The following KIAA1328 variants were observed in gnomAD, a reference collection of about 807,000 sequenced individuals.
The protein encoded by KIAA1328 is protein hinderin.
KIAA1328 carries 52 observed loss-of-function variants against 68.1 expected under a neutral mutation model. That is an observed-to-expected ratio of 0.76 (90% confidence interval 0.61 to 0.96). KIAA1328 has a LOEUF of 0.96. Among genes scored for constraint, KIAA1328 ranks in the 40% least tolerant of loss-of-function variants. KIAA1328 has a pLI of 0.00. For missense variants in KIAA1328, 641 were observed against 677.6 expected (o/e 0.95, Z 0.60); for synonymous variants, 232 against 239.4 (o/e 0.97, Z 0.28).
Position 37,224,356 on chromosome 18 carries a change from T to G in KIAA1328, c.*2129T>G. Reference sequence around the variant, plus strand: ...TGGGGGTCACAGCCACAGAGTGGAGTTTTATTGCTTCTTTGCCTCTCCATG... The same window carrying G: ...TGGGGGTCACAGCCACAGAGTGGAGGTTTATTGCTTCTTTGCCTCTCCATG... On this transcript the variant is annotated 3_prime_UTR_variant, in exon 10 of 10. Coordinates refer to ENST00000280020, the MANE Select transcript of KIAA1328 (RefSeq NM_020776.3). The G allele has an allele frequency of 2.0e-6, 2 of 984,998 alleles. No homozygotes were observed. The highest frequency in any genetic ancestry group is 2.4e-6 in the Non-Finnish European group (2 of 829,846). 61.0% of individuals were successfully genotyped at this position (984,998 alleles called of 1,614,324 possible).
chr18:36,955,086 G>A (rs1162264543), intron 5 of KIAA1328, among the ~76,000 whole-genome samples: 1 of 150,590 alleles, frequency 6.6e-6, no homozygotes, highest in Non-Finnish European at 1.5e-5. Flanking sequence ...ATTTATTTCA[G>A]TGCTCAAATT....
At chr18:37,022,666 G>T (rs1401095703) in intron 6 of KIAA1328, among the ~76,000 whole-genome samples, 1 of 152,070 alleles carries the variant, frequency 6.6e-6, no homozygotes, top group Admixed American at 6.6e-5. Context: ...TATTTTACAT[G>T]GCTGTTTAAG....
At chr18:36,992,558 C>G (rs1053082547) in intron 6 of KIAA1328, among the ~76,000 whole-genome samples, 7 of 149,594 alleles carry the variant, frequency 4.7e-5, no homozygotes, top group African/African-American at 7.5e-5. Flanking sequence ...TTTCCTGGGT[C>G]CTTTTTTATT....
At chr18:37,033,115 A>G (rs542661889) in intron 6 of KIAA1328, among the ~76,000 whole-genome samples, 1 of 152,304 alleles carries the variant, frequency 6.6e-6, no homozygotes, top group South Asian at 2.1e-4. Context: ...CTTTTCACCT[A>G]TTAAATACCA....
chr18:36,908,763 A>AAT (rs1208428125), intron 5 of KIAA1328, among the ~76,000 whole-genome samples: 2 of 152,158 alleles, frequency 1.3e-5, no homozygotes, highest in Admixed American at 1.3e-4. Flanking sequence ...GTGAATCCAG[A>AAT]ATATATATTA....
Position 37,067,061 on chromosome 18 carries a change from G to A in KIAA1328, c.748G>A (p.Val250Ile), listed in dbSNP as rs2056363592. The change falls in exon 7 of 10, where the codon GTA becomes ATA. Residue 250 changes from valine (V) to isoleucine (I), a missense_variant. Val to Ile is a conservative substitution (Grantham distance 29). Coordinates refer to ENST00000280020, the MANE Select transcript of KIAA1328 (RefSeq NM_020776.3). ...IAFRNNSLKP[V>I]TLHHPKDDLD... is the part of the protein sequence containing the mutation. Reference sequence around the variant, plus strand: ...ATTTAGGAATAATTCTTTGAAACCAGTAACCCTTCATCATCCCAAAGATGA... The same window carrying A: ...ATTTAGGAATAATTCTTTGAAACCAATAACCCTTCATCATCCCAAAGATGA... 1 of 1,613,814 alleles carries A rather than the reference G, an allele frequency of 6.2e-7. No homozygotes were observed. Among genetic ancestry groups the A allele is most frequent in the African/African-American group, 1.3e-5 (1 of 74,904 alleles).
intron 5 of KIAA1328, among the ~76,000 whole-genome samples, chr18:36,948,781 T>G (rs1159818751): frequency 6.6e-6 from 1 of 150,846 alleles, no homozygotes; most frequent in Non-Finnish European, 1.5e-5. Flanking sequence ...ACTTCCAACC[T>G]CTGGTGATCC....
intron 6 of KIAA1328, among the ~76,000 whole-genome samples, chr18:36,996,729 T>G (rs1344997472): frequency 1.3e-5 from 2 of 152,152 alleles, no homozygotes; most frequent in African/African-American, 4.8e-5. Flanking sequence ...AGCTGAAGAA[T>G]TGTCTCTAAA....
intron 4 of KIAA1328, among the ~76,000 whole-genome samples, chr18:36,875,770 C>G (rs995727946): frequency 2.6e-5 from 4 of 152,174 alleles, no homozygotes; most frequent in African/African-American, 9.7e-5. Context: ...ATGCTTCCAG[C>G]TTTTCCCCAA....
At chr18:36,927,814 G>A (rs1159434277) in intron 5 of KIAA1328, among the ~76,000 whole-genome samples, 1 of 149,852 alleles carries the variant, frequency 6.7e-6, no homozygotes, top group Non-Finnish European at 1.5e-5. Context: ...AGAGAGAGAG[G>A]AAAGAAAAAG....
chr18:37,202,183 A>G (rs2060127659), intron 9 of KIAA1328, among the ~76,000 whole-genome samples: 1 of 152,170 alleles, frequency 6.6e-6, no homozygotes, highest in Non-Finnish European at 1.5e-5. Context: ...GCTTTAAGCT[A>G]TGAATGGCTC....
chr18:37,020,334 G>A (rs559306431), intron 6 of KIAA1328, among the ~76,000 whole-genome samples: 17 of 152,164 alleles, frequency 1.1e-4, no homozygotes, highest in Middle Eastern at 3.4e-3. Flanking sequence ...TGTTGGCCAG[G>A]CTGGTCTTGA....
chr18:37,157,864 G>T (rs1181938092), intron 7 of KIAA1328, among the ~76,000 whole-genome samples: 1 of 148,614 alleles, frequency 6.7e-6, no homozygotes, highest in Non-Finnish European at 1.5e-5. Context: ...GCTGAATAGT[G>T]TTCTTTATAA....
chr18:36,999,917 A>G (rs2053526348), intron 6 of KIAA1328, among the ~76,000 whole-genome samples: 1 of 152,142 alleles, frequency 6.6e-6, no homozygotes, highest in Non-Finnish European at 1.5e-5. Flanking sequence ...ACCAAACCAC[A>G]ATGAAAAACA....
chr18:37,154,281 G>C (rs1043383015), intron 7 of KIAA1328, among the ~76,000 whole-genome samples: 2 of 152,096 alleles, frequency 1.3e-5, no homozygotes, highest in Non-Finnish European at 2.9e-5. Flanking sequence ...AAATTCCCCA[G>C]ATTATTTAAA....
intron 6 of KIAA1328, among the ~76,000 whole-genome samples, chr18:37,003,763 A>G (rs1056140531): frequency 2.6e-5 from 4 of 152,070 alleles, no homozygotes; most frequent in Admixed American, 6.6e-5. Flanking sequence ...TGATTTTTGT[A>G]TACGGTGAGA....
intron 6 of KIAA1328, among the ~76,000 whole-genome samples, chr18:37,031,301 T>C (rs1324221051): frequency 6.6e-6 from 1 of 151,960 alleles, no homozygotes; most frequent in Non-Finnish European, 1.5e-5. Context: ...GATTGTGGGG[T>C]TTTTTTTCCT....
chr18:37,025,317 G>C (rs1165718976), intron 6 of KIAA1328, among the ~76,000 whole-genome samples: 2 of 152,120 alleles, frequency 1.3e-5, no homozygotes, highest in African/African-American at 2.4e-5. Flanking sequence ...AGATCAACGA[G>C]TCAGAAAGCT....
intron 5 of KIAA1328, among the ~76,000 whole-genome samples, chr18:36,887,849 T>C (rs1308659663): frequency 6.6e-6 from 1 of 152,146 alleles, no homozygotes; most frequent in African/African-American, 2.4e-5. Flanking sequence ...CAAAAAAATC[T>C]ATAGCATACA....
Sources: allele counts gnomAD v4.1 joint callset (sites outside exome capture counted in the v4.1 genomes callset), GRCh38; gene constraint gnomAD v4.1.1; transcripts MANE v1.5; gene names NCBI Gene and HGNC (gene_info 2026-07-23, HGNC 2026-07-21).